RPSA2: variants seen among roughly 807,000 people sequenced by gnomAD.
RPSA2 encodes ribosomal protein SA 2, also known as small ribosomal subunit protein uS2B.
At chr19:23,852,529 A>G in the RPSA2 span, among the ~76,000 whole-genome samples, 1 of 152,240 alleles carries the variant, frequency 6.6e-6, no homozygotes, top group Admixed American at 6.5e-5. Flanking sequence ...AAACGAAAGG[A>G]TGGGCCAAAT....
the RPSA2 span, among the ~76,000 whole-genome samples, chr19:23,828,560 T>G: frequency 2.5e-3 from 1 of 398 alleles, no homozygotes; most frequent in East Asian, 0.5. Flanking sequence ...ATTTTTCAGT[T>G]TTTTTTTTTT....
At chr19:23,804,073 A>T in the RPSA2 span, among the ~76,000 whole-genome samples, 2 of 152,252 alleles carry the variant, frequency 1.3e-5, no homozygotes, top group South Asian at 4.1e-4. Context: ...AGAACACAGT[A>T]CCTGCTTAAT....
At chr19:23,862,453 G>T in the RPSA2 span, among the ~76,000 whole-genome samples, 1 of 151,370 alleles carries the variant, frequency 6.6e-6, no homozygotes, top group Non-Finnish European at 1.5e-5. Context: ...CCTGTCTTGT[G>T]CCAGTTTTCA....
At chr19:23,806,773 A>G in the RPSA2 span, among the ~76,000 whole-genome samples, 3 of 133,560 alleles carry the variant, frequency 2.2e-5, no homozygotes, top group Admixed American at 1.7e-4. Context: ...TGACAGAGCG[A>G]GACTGAGTCT....
At chr19:23,811,633 G>C in the RPSA2 span, among the ~76,000 whole-genome samples, 1 of 152,118 alleles carries the variant, frequency 6.6e-6, no homozygotes, top group Non-Finnish European at 1.5e-5. Context: ...TAGAATTTAC[G>C]TGTTGTGCCT....
chr19:23,801,944 C>T, the RPSA2 span, among the ~76,000 whole-genome samples: 101 of 152,224 alleles, frequency 6.6e-4, no homozygotes, highest in African/African-American at 2.1e-3. Context: ...GTAGATTTCT[C>T]CTTTGATTGT....
chr19:23,851,552 C>T, the RPSA2 span, among the ~76,000 whole-genome samples: 9 of 152,056 alleles, frequency 5.9e-5, no homozygotes, highest in East Asian at 5.8e-4. Flanking sequence ...TTAATAGTAG[C>T]AGTTTCTATA....
chr19:23,835,699 A>ACGC, the RPSA2 span, among the ~76,000 whole-genome samples: 1 of 151,764 alleles, frequency 6.6e-6, no homozygotes, highest in Non-Finnish European at 1.5e-5. Flanking sequence ...TGCAATGGTG[A>ACGC]GATCTTGGCT....
chr19:23,842,990 G>C, the RPSA2 span, among the ~76,000 whole-genome samples: 8 of 152,074 alleles, frequency 5.3e-5, no homozygotes, highest in Admixed American at 3.3e-4. Flanking sequence ...AATAGTATTG[G>C]ATAGTAGAGC....
chr19:23,841,034 T>C, the RPSA2 span, among the ~76,000 whole-genome samples: 1 of 151,450 alleles, frequency 6.6e-6, no homozygotes, highest in African/African-American at 2.4e-5. Context: ...ATAAAACATG[T>C]TTTTTATGAT....
At chr19:23,812,388 C>CTTTTTTTTTTTTTTTTTTTTTTTTT in the RPSA2 span, among the ~76,000 whole-genome samples, 28 of 114,178 alleles carry the variant, frequency 2.5e-4, 1 homozygote, top group African/African-American at 5.4e-4. Flanking sequence ...CTCTTTTTCT[C>CTTTTTTTTTTTTTTTTTTTTTTTTT]TTTTTTTTTT....
chr19:23,856,377 C>T, the RPSA2 span, among the ~76,000 whole-genome samples: 1 of 151,968 alleles, frequency 6.6e-6, no homozygotes, highest in Non-Finnish European at 1.5e-5. Context: ...ATAGGGTGAC[C>T]ATATTTTCCA....
the RPSA2 span, among the ~76,000 whole-genome samples, chr19:23,810,445 GTTTTCATTTTCA>G: frequency 7.8e-5 from 10 of 128,092 alleles, no homozygotes; most frequent in Non-Finnish European, 1.5e-4. Flanking sequence ...GATAGTTGTA[GTTTTCATTTTCA>G]TTTAATTTTT....
chr19:23,801,366 G>A, the RPSA2 span, among the ~76,000 whole-genome samples: 1 of 152,052 alleles, frequency 6.6e-6, no homozygotes, highest in African/African-American at 2.4e-5. Context: ...AGCCTCCCGA[G>A]TAGCTTGGAT....
At chr19:23,838,761 A>AAT in the RPSA2 span, among the ~76,000 whole-genome samples, 1 of 151,928 alleles carries the variant, frequency 6.6e-6, no homozygotes, top group Admixed American at 6.6e-5. Context: ...GCCTTGAATG[A>AAT]TTTTTTGTAT....
chr19:23,865,165 C>T, the RPSA2 span, among the ~76,000 whole-genome samples: 4 of 152,120 alleles, frequency 2.6e-5, no homozygotes, highest in Non-Finnish European at 5.9e-5. Context: ...AATATGCTGG[C>T]AGTGGATATA....
chr19:23,766,451 ATTTT>A, the RPSA2 span, among the ~76,000 whole-genome samples: 5 of 102,714 alleles, frequency 4.9e-5, no homozygotes, highest in Admixed American at 2.1e-4. Flanking sequence ...TCTCAAGCTA[ATTTT>A]TTTTTTTTTT....
At chr19:23,774,829 GAGCACCC>G in the RPSA2 span, among the ~76,000 whole-genome samples, 1 of 152,130 alleles carries the variant, frequency 6.6e-6, no homozygotes, top group African/African-American at 2.4e-5. Flanking sequence ...ATCCCTGACT[GAGCACCC>G]AGGTTTTAAC....
chr19:23,761,757 C>A, the RPSA2 span, among the ~76,000 whole-genome samples: 1 of 151,560 alleles, frequency 6.6e-6, no homozygotes, highest in South Asian at 2.1e-4. Context: ...TTAAATATCC[C>A]CGTTAGTGAG....
Sources: allele counts gnomAD v4.1 joint callset (sites outside exome capture counted in the v4.1 genomes callset), GRCh38; gene constraint gnomAD v4.1.1; transcripts MANE v1.5; gene names NCBI Gene and HGNC (gene_info 2026-07-23, HGNC 2026-07-21).